CDH20: variants seen among roughly 807,000 people sequenced by gnomAD.
The protein encoded by CDH20 is cadherin-20.
In CDH20, 29 loss-of-function variants were observed where a neutral mutation model predicts 74.2. That is an observed-to-expected ratio of 0.39 (90% CI 0.29 to 0.53). The LOEUF (loss-of-function observed/expected upper bound fraction) is 0.53, where lower values mean the gene tolerates loss of function less well. CDH20 is among the 20% of genes least tolerant of loss of function. CDH20 has a pLI of 0.69. For synonymous variants in CDH20, 469 were observed against 405.4 expected (o/e 1.16, Z -1.88); for missense variants, 988 against 1,048.3 (o/e 0.94, Z 0.79).
At chr18:61,361,300 C>T (rs539887608) in intron 1 of CDH20, among the ~76,000 whole-genome samples, 1 of 152,322 alleles carries the variant, frequency 6.6e-6, no homozygotes, top group South Asian at 2.1e-4. Context: ...ATGTGCTGTA[C>T]ACCTGAAAGA....
At chr18:61,340,675 T>A (rs940812069) in intron 1 of CDH20, among the ~76,000 whole-genome samples, 1 of 152,234 alleles carries the variant, frequency 6.6e-6, no homozygotes, top group African/African-American at 2.4e-5. Context: ...CCCTTTATCA[T>A]ATTCACGATT....
At chr18:61,552,663 T>C (rs532108724) in intron 11 of CDH20, among the ~76,000 whole-genome samples, 1 of 152,232 alleles carries the variant, frequency 6.6e-6, no homozygotes, top group Non-Finnish European at 1.5e-5. Flanking sequence ...ACAGCCCTTA[T>C]CACTGTCTGA....
At chr18:61,429,253 T>C (rs769338893) in intron 1 of CDH20, among the ~76,000 whole-genome samples, 16 of 152,184 alleles carry the variant, frequency 1.1e-4, no homozygotes, top group Non-Finnish European at 2.1e-4. Context: ...TCTTTAGACT[T>C]TTGTTTCTTA....
intron 1 of CDH20, among the ~76,000 whole-genome samples, chr18:61,362,564 G>A (rs1289500817): frequency 6.6e-6 from 1 of 152,074 alleles, no homozygotes; most frequent in Non-Finnish European, 1.5e-5. Flanking sequence ...AACTAAATTA[G>A]ACATTATGTT....
chr18:61,338,312 T>A (rs1490374499), intron 1 of CDH20, among the ~76,000 whole-genome samples: 2 of 152,178 alleles, frequency 1.3e-5, no homozygotes, highest in Non-Finnish European at 2.9e-5. Context: ...CTTTTTTTTT[T>A]ATTTAATTGC....
At chr18:61,361,935 T>C (rs893603905) in intron 1 of CDH20, among the ~76,000 whole-genome samples, 3 of 152,204 alleles carry the variant, frequency 2.0e-5, no homozygotes, top group African/African-American at 4.8e-5. Flanking sequence ...GTTACAGTTG[T>C]GCAGTGCTTT....
chr18:61,460,477 C>A (rs1909728017), intron 1 of CDH20, among the ~76,000 whole-genome samples: 1 of 152,180 alleles, frequency 6.6e-6, no homozygotes, highest in African/African-American at 2.4e-5. Context: ...CTCACAGAAG[C>A]CTTATGCAGG....
intron 1 of CDH20, among the ~76,000 whole-genome samples, chr18:61,412,040 T>C (rs1398359319): frequency 2.7e-5 from 4 of 150,216 alleles, no homozygotes; most frequent in Admixed American, 2.6e-4. Flanking sequence ...AGTGAAAAAA[T>C]GAAGAAAACA....
chr18:61,502,528 G>A (rs921077648), intron 4 of CDH20, among the ~76,000 whole-genome samples: 2 of 152,184 alleles, frequency 1.3e-5, no homozygotes, highest in Non-Finnish European at 1.5e-5. Context: ...GGCTCTAGGG[G>A]CTGAAGAAAC....
intron 1 of CDH20, among the ~76,000 whole-genome samples, chr18:61,430,181 G>T: frequency 6.6e-6 from 1 of 152,006 alleles, no homozygotes; most frequent in Middle Eastern, 3.4e-3. Flanking sequence ...GCTTGCAAGC[G>T]TAAATCTCAC....
In CDH20 at chr18:61,536,628, G is replaced by A. The variant is rs1282818045; in HGVS notation, c.1407G>A (p.Met469Ile). The part of the protein sequence containing the change: ...WHNITVLAME[M>I]NNPSQVGSVP... ...ATATCACTGTCCTTGCTATGGAAAT[G>A]AGTAAGTAGCACAGTAAGTTGGTCT... Residue 469 changes from methionine (M) to isoleucine (I), a missense_variant and splice_region_variant, in exon 8 of 12, where the codon ATG becomes ATA. By Grantham distance (10) the Met-to-Ile change is conservative. Around this residue, in one of 2 missense-constraint regions of CDH20, gnomAD observed 613 missense variants for 755.2 expected, o/e 0.81. Transcript: ENST00000262717. 1.2e-6 allele frequency: 2 copies of A among 1,613,718 alleles called. No homozygotes were observed. Among genetic ancestry groups the A allele is most frequent in the South Asian group, 1.1e-5 (1 of 91,030 alleles).
chr18:61,403,805 C>T (rs746822448), intron 1 of CDH20, among the ~76,000 whole-genome samples: 11 of 152,138 alleles, frequency 7.2e-5, no homozygotes, highest in East Asian at 1.9e-4. Context: ...AAGATACAAG[C>T]GCACGTATAT....
intron 6 of CDH20, among the ~76,000 whole-genome samples, chr18:61,512,992 G>A (rs1911841821): frequency 6.6e-6 from 1 of 152,016 alleles, no homozygotes; most frequent in African/African-American, 2.4e-5. Context: ...GATTTGGGGT[G>A]GAGAGTTCTG....
At chr18:61,496,657 G>A (rs1395414146) in intron 2 of CDH20, among the ~76,000 whole-genome samples, 1 of 152,156 alleles carries the variant, frequency 6.6e-6, no homozygotes, top group Non-Finnish European at 1.5e-5. Context: ...CGGCCTGCCG[G>A]GATCACAGGT....
intron 6 of CDH20, among the ~76,000 whole-genome samples, chr18:61,514,194 C>T (rs1911894131): frequency 6.6e-6 from 1 of 151,362 alleles, no homozygotes; most frequent in South Asian, 2.1e-4. Context: ...AGGCTTTGCT[C>T]ATTTCTTTTT....
At chr18:61,344,262 G>A (rs1462703940) in intron 1 of CDH20, among the ~76,000 whole-genome samples, 2 of 152,174 alleles carry the variant, frequency 1.3e-5, no homozygotes, top group African/African-American at 4.8e-5. Flanking sequence ...CACTTCATCA[G>A]TATTATCCCA....
At chr18:61,491,870 C>T (rs562475858) in intron 2 of CDH20, among the ~76,000 whole-genome samples, 6 of 152,098 alleles carry the variant, frequency 3.9e-5, no homozygotes, top group Non-Finnish European at 2.9e-5. Flanking sequence ...TTCACAATCC[C>T]GTTTTTCCTT....
intron 1 of CDH20, among the ~76,000 whole-genome samples, chr18:61,484,520 T>G (rs1265409026): frequency 6.6e-6 from 1 of 152,110 alleles, no homozygotes; most frequent in Non-Finnish European, 1.5e-5. Context: ...ATAGCAAGAA[T>G]GAAAAGCACA....
At chr18:61,394,851 C>T (rs929746842) in intron 1 of CDH20, among the ~76,000 whole-genome samples, 4 of 151,856 alleles carry the variant, frequency 2.6e-5, no homozygotes, top group African/African-American at 9.7e-5. Flanking sequence ...GGCTACCTCC[C>T]TCACCCTGTC....
Sources: gnomAD v4.1 joint callset for allele counts (sites outside exome capture counted in the v4.1 genomes callset) on GRCh38, gnomAD v4.1.1 for gene constraint, gnomAD v4.1.1 regional missense constraint, MANE v1.5 for transcripts, NCBI Gene and HGNC (gene_info 2026-07-23, HGNC 2026-07-21) for gene names.